OTOF: variants seen among roughly 807,000 people sequenced by gnomAD.
OTOF encodes otoferlin.
Under a neutral mutation model 236.8 loss-of-function variants are expected in OTOF, and 218 were observed. The ratio of observed to expected loss-of-function variants is 0.92; its 90% CI spans 0.82 to 1.03. The LOEUF (loss-of-function observed/expected upper bound fraction) is 1.03, where lower values mean the gene tolerates loss of function less well. Among genes scored for constraint, OTOF ranks in the 50% least tolerant of loss-of-function variants. OTOF has a pLI of 0.00. For missense variants in OTOF, 2,590 were observed against 2,694.4 expected (o/e 0.96, Z 0.86); for synonymous variants, 1,041 against 1,072.5 (o/e 0.97, Z 0.57).
intron 14 of OTOF, among the ~76,000 whole-genome samples, chr2:26,481,715 C>G (rs144614169): frequency 2.6e-4 from 39 of 152,246 alleles, no homozygotes; most frequent in African/African-American, 8.4e-4. Flanking sequence ...CAGTTCCACC[C>G]CCTCAAAAGA....
chr2:26,479,688 A>G (rs746951074), intron 16 of OTOF, 35 bp from the exon 17 acceptor site: 2 of 1,600,404 alleles, frequency 1.2e-6, no homozygotes, highest in Non-Finnish European at 1.7e-6. Flanking sequence ...CCTAGAGTGC[A>G]TTCCCCACCA....
Position 26,477,362 on chromosome 2 carries a change from C to T in OTOF, c.2406+54G>A, listed in dbSNP as rs962046807. ...GGCCATGACAAAGGGGGTTGTGACACCTTCTCACAACCAGGCCCTCCCTCC... is the reference window on the plus strand; with the variant it reads ...GGCCATGACAAAGGGGGTTGTGACATCTTCTCACAACCAGGCCCTCCCTCC... On this transcript the variant is annotated intron_variant, in intron 20 of 46. Transcript: ENST00000272371. The surrounding 1 kb of genome is among the most constrained non-coding windows in gnomAD (Gnocchi z 4.7). The T allele has an allele frequency of 9.6e-6, 15 of 1,567,638 alleles. No individual in the cohort carries two copies. The African/African-American group carries it at 1.6e-4, about 17-fold the overall frequency.
chr2:26,522,033 A>C (rs1248917397), intron 3 of OTOF, among the ~76,000 whole-genome samples: 1 of 152,166 alleles, frequency 6.6e-6, no homozygotes, highest in African/African-American at 2.4e-5. Flanking sequence ...AGGTCCAGGC[A>C]GTCCCCCACC....
At chr2:26,465,194 C>T (rs1664669134) in intron 38 of OTOF, among the ~76,000 whole-genome samples, 165 bp from the exon 39 acceptor site, 1 of 152,008 alleles carries the variant, frequency 6.6e-6, no homozygotes, top group South Asian at 2.1e-4. Context: ...ACTAGGGCTG[C>T]TGGAGGCTGA....
chr2:26,513,326 G>C (rs1666435590), intron 5 of OTOF, among the ~76,000 whole-genome samples: 1 of 152,216 alleles, frequency 6.6e-6, no homozygotes, highest in Non-Finnish European at 1.5e-5. Flanking sequence ...AAGTCCCAGA[G>C]AAGCAGGCCA....
At chr2:26,498,187 C>T (rs1666035459) in intron 8 of OTOF, among the ~76,000 whole-genome samples, 1 of 152,216 alleles carries the variant, frequency 6.6e-6, no homozygotes, top group African/African-American at 2.4e-5. Context: ...CTCCCTTCCT[C>T]CATGTAGCAG....
In OTOF at chr2:26,558,636, G is replaced by C. The variant is rs1216822678; in HGVS notation, c.-65C>G. ...GGGAAGGAGCTAGCCGGTGGAGCAC[G>C]GCTCACACGCCTCTCTCTTCTCTGC... On this transcript the variant is annotated 5_prime_UTR_variant, in exon 1 of 47. Coordinates refer to ENST00000272371, the MANE Select transcript of OTOF (RefSeq NM_194248.3). 2.2e-6 allele frequency: 3 copies of C among 1,345,858 alleles called. No individual in the cohort carries two copies. The highest frequency in any genetic ancestry group is 3.2e-6 in the Non-Finnish European group (3 of 938,638). The allele number at this position is 1,345,858 out of a possible 1,614,324, so 83.4% of individuals were successfully genotyped here. A position where few individuals can be genotyped will look rare whatever the true frequency, so the allele number is the denominator to read the frequency against.
intron 5 of OTOF, among the ~76,000 whole-genome samples, chr2:26,506,151 G>A (rs1167652197): frequency 3.3e-5 from 5 of 152,186 alleles, no homozygotes. Flanking sequence ...CAGAAGTGTA[G>A]TTTTTGTGGG....
chr2:26,467,993 A>G (rs759783767), intron 33 of OTOF, among the ~76,000 whole-genome samples: 3 of 152,246 alleles, frequency 2.0e-5, no homozygotes, highest in Non-Finnish European at 4.4e-5. Flanking sequence ...ACATTTGCAC[A>G]GTAAAGGGTA....
chr2:26,554,315 G>A (rs1667534649), intron 1 of OTOF, among the ~76,000 whole-genome samples: 1 of 152,146 alleles, frequency 6.6e-6, no homozygotes, highest in African/African-American at 2.4e-5. Context: ...TCCTTGGATA[G>A]AAAGTTCTGG....
At chr2:26,514,913 A>G (rs1271404837) in intron 5 of OTOF, among the ~76,000 whole-genome samples, 1 of 152,172 alleles carries the variant, frequency 6.6e-6, no homozygotes, top group Non-Finnish European at 1.5e-5. Context: ...GAGACAGTCG[A>G]GGAGGACCAG....
intron 1 of OTOF, among the ~76,000 whole-genome samples, chr2:26,539,823 G>A (rs1310210576): frequency 6.6e-6 from 1 of 152,186 alleles, no homozygotes; most frequent in Non-Finnish European, 1.5e-5. Flanking sequence ...ACTTTGATGT[G>A]AGCCACTGCA....
In OTOF at chr2:26,558,549, T is replaced by C. The variant is rs1667653941; in HGVS notation, c.23A>G (p.Lys8Arg). 2 of 1,613,800 alleles carry C rather than the reference T, an allele frequency of 1.2e-6. No homozygotes were observed. The highest frequency in any genetic ancestry group is 1.7e-5 in the Admixed American group (1 of 60,006). ...CCTGCCCCGCAGCTCCGAGACTGTC[T>C]TGAGGTGGATGAGCAAGGCCATGCT... MALLIHL[K>R]TVSELRGRGD... The change falls in exon 1 of 47, where the codon AAG becomes AGG. Residue 8 changes from lysine (K) to arginine (R), a missense_variant. Transcript: ENST00000272371.
At chr2:26,469,979 C>T (rs746712776) in intron 32 of OTOF, among the ~76,000 whole-genome samples, 5 of 152,164 alleles carry the variant, frequency 3.3e-5, no homozygotes, top group African/African-American at 7.2e-5. Flanking sequence ...CAGAGAAATG[C>T]GCTTTCTGGA....
intron 1 of OTOF, among the ~76,000 whole-genome samples, chr2:26,542,275 C>T (rs1319462140): frequency 2.0e-5 from 3 of 152,216 alleles, no homozygotes; most frequent in African/African-American, 7.2e-5. Context: ...CATGTGTGTT[C>T]ATTCATTTCC....
intron 1 of OTOF, among the ~76,000 whole-genome samples, chr2:26,546,037 C>A (rs1667321621): frequency 6.6e-6 from 1 of 152,162 alleles, no homozygotes; most frequent in Admixed American, 6.5e-5. Flanking sequence ...TACTAATAGA[C>A]TACTGTTAAC....
In OTOF at chr2:26,489,735, G is replaced by A. The variant is rs773658912; in HGVS notation, c.903C>T (p.Phe301=). ...STNCPYYNEY[F]VFDFHVSPDV... is the part of the protein sequence containing the mutation. ...CCGGAGAGACATGGAAGTCGAAGAC[G>A]AAGTACTGGAGGGGGAAGGATCCAG... Residue 301 remains phenylalanine (F), a synonymous_variant, in exon 10 of 47, where the codon TTC becomes TTT. Transcript: ENST00000272371. 5 of 1,612,388 alleles carry A rather than the reference G, an allele frequency of 3.1e-6. No individual in the cohort carries two copies. The highest frequency in any genetic ancestry group is 2.7e-5 in the African/African-American group (2 of 74,926).
chr2:26,467,931 A>G (rs1664812615), intron 33 of OTOF, among the ~76,000 whole-genome samples: 1 of 152,234 alleles, frequency 6.6e-6, no homozygotes, highest in African/African-American at 2.4e-5. Flanking sequence ...CTGTGATCCA[A>G]TAAGCTGGGG....
chr2:26,539,145 G>C (rs922754253), intron 1 of OTOF, among the ~76,000 whole-genome samples: 1 of 151,950 alleles, frequency 6.6e-6, no homozygotes, highest in African/African-American at 2.4e-5. Context: ...CATACTCCAA[G>C]GTACAATTTC....
Sources: allele counts gnomAD v4.1 joint callset (sites outside exome capture counted in the v4.1 genomes callset), GRCh38; gene constraint gnomAD v4.1.1; non-coding constraint Gnocchi (gnomAD v3.1); transcripts MANE v1.5; gene names NCBI Gene and HGNC (gene_info 2026-07-23, HGNC 2026-07-21).